Variants in CLEC1A observed in about 807,000 individuals in gnomAD.
CLEC1A encodes the protein C-type lectin domain family 1 member A.
CLEC1A carries 34 observed loss-of-function variants against 28.7 expected under a neutral mutation model. The ratio of observed to expected loss-of-function variants is 1.18; its 90% CI spans 0.90 to 1.57. The LOEUF is 1.57. Among genes scored for constraint, CLEC1A ranks in the 40% most tolerant of loss-of-function variants. CLEC1A has a pLI of 0.00. For missense variants in CLEC1A, 385 were observed against 339.5 expected, an observed-to-expected ratio of 1.13 and a Z score of -1.05; for synonymous variants, 116 against 121.0, an observed-to-expected ratio of 0.96 and a Z score of 0.27.
chr12:10,087,571 G>A (rs2137359850), intron 2 of CLEC1A, among the ~76,000 whole-genome samples: 1 of 141,026 alleles, frequency 7.1e-6, no homozygotes, highest in East Asian at 2.1e-4. Context: ...AGGCTGGAGT[G>A]CAGTGCAGTG....
At chr12:10,092,647 C>G (rs1947722450) in intron 1 of CLEC1A, 2 of 156,356 alleles carry the variant, frequency 1.3e-5, no homozygotes, top group African/African-American at 4.8e-5. Context: ...TGTTTTCTGC[C>G]CAAAGGACCA....
chr12:10,075,010 G>A (rs1228645971), intron 4 of CLEC1A, among the ~76,000 whole-genome samples: 1 of 152,156 alleles, frequency 6.6e-6, no homozygotes, highest in East Asian at 1.9e-4. Flanking sequence ...CTCAATATAT[G>A]TCAATTTGTA....
intron 2 of CLEC1A, among the ~76,000 whole-genome samples, chr12:10,087,395 AG>A (rs1324025865): frequency 6.8e-6 from 1 of 147,906 alleles, no homozygotes; most frequent in African/African-American, 2.5e-5. Context: ...ATGCAGAAAA[AG>A]CATTTGACAA....
chr12:10,091,325 T>G (rs1230121213), intron 1 of CLEC1A, among the ~76,000 whole-genome samples: 1 of 152,138 alleles, frequency 6.6e-6, no homozygotes, highest in African/African-American at 2.4e-5. Flanking sequence ...AATAAAAAAT[T>G]AATATGACTT....
intron 1 of CLEC1A, chr12:10,092,420 A>T (rs1244507522): frequency 1.0e-5 from 4 of 387,244 alleles, no homozygotes. Flanking sequence ...GGTGGCACAC[A>T]CCTGTAGTCG....
rs566382513 is a variant in CLEC1A at position 10,097,763 on chromosome 12, C to G, written c.115+1045G>C. 2.6e-5 allele frequency among the ~76,000 whole-genome samples: 4 copies of G among 152,190 alleles called. No homozygotes were observed. The East Asian group carries it at 5.8e-4, about 22-fold the overall frequency. ...AAAACCACAGCCGTAAAAATGGACT[C>G]TTCGTAAGTTTTTTTGGAGGAAAAC... is the stretch of plus-strand genomic sequence containing the variant. On this transcript the variant is annotated intron_variant, in intron 1 of 5. Coordinates refer to ENST00000315330, the MANE Select transcript of CLEC1A (RefSeq NM_016511.4).
chr12:10,095,604 C>A (rs1022532146), intron 1 of CLEC1A, among the ~76,000 whole-genome samples: 3 of 152,164 alleles, frequency 2.0e-5, no homozygotes, highest in Admixed American at 1.3e-4. Context: ...ATGTAACCAT[C>A]AGTTCCTTTT....
chr12:10,096,790 C>G (rs1947782869), intron 1 of CLEC1A, among the ~76,000 whole-genome samples: 1 of 152,086 alleles, frequency 6.6e-6, no homozygotes, highest in South Asian at 2.1e-4. Context: ...CCCAGCCTCT[C>G]AAACACCCTC....
Position 10,073,277 on chromosome 12 carries a change from T to C in CLEC1A, c.662+16A>G. The C allele has an allele frequency of 6.4e-7, 1 of 1,567,542 alleles. No individual in the cohort carries two copies. Among genetic ancestry groups the C allele is most frequent in the Non-Finnish European group, 8.8e-7 (1 of 1,141,066 alleles). Reference sequence around the variant, plus strand: ...TTTGTTAAATGCCTTTCCCATAAAATATCCTGAAGGCTTACAGTTCAGAAG... The same window carrying C: ...TTTGTTAAATGCCTTTCCCATAAAACATCCTGAAGGCTTACAGTTCAGAAG... On this transcript the variant is annotated intron_variant, in intron 5 of 5. Transcript: ENST00000315330.
chr12:10,078,813 C>A (rs1365687684), intron 3 of CLEC1A, among the ~76,000 whole-genome samples: 1 of 152,086 alleles, frequency 6.6e-6, no homozygotes, highest in Non-Finnish European at 1.5e-5. Flanking sequence ...GGAAGCAGAT[C>A]CCTTATGAAC....
At chr12:10,072,887 T>C (rs1866163874) in intron 5 of CLEC1A, among the ~76,000 whole-genome samples, 1 of 152,106 alleles carries the variant, frequency 6.6e-6, no homozygotes, top group Admixed American at 6.6e-5. Flanking sequence ...TAAACAAGAC[T>C]GGGCAACACA....
chr12:10,088,447 AAAAGAACTGTTCAAAGAACAGT>A (rs1866547103), intron 2 of CLEC1A, among the ~76,000 whole-genome samples: 1 of 12,690 alleles, frequency 7.9e-5, no homozygotes, highest in Non-Finnish European at 2.2e-4. Context: ...AAGAACAGTT[AAAAGAACTGTTCAAAGAACAGT>A]TAAAAGAACT....
chr12:10,075,008 A>G (rs939383569), intron 4 of CLEC1A, among the ~76,000 whole-genome samples: 4 of 152,244 alleles, frequency 2.6e-5, no homozygotes, highest in Admixed American at 2.0e-4. Flanking sequence ...AACTCAATAT[A>G]TGTCAATTTG....
intron 4 of CLEC1A, among the ~76,000 whole-genome samples, chr12:10,074,346 T>C (rs1319469508): frequency 6.6e-6 from 1 of 152,158 alleles, no homozygotes; most frequent in African/African-American, 2.4e-5. Flanking sequence ...CAAGCAATAG[T>C]CGTAGAGTGA....
At chr12:10,075,982 A>T (rs1482123049) in intron 3 of CLEC1A, among the ~76,000 whole-genome samples, 1 of 152,238 alleles carries the variant, frequency 6.6e-6, no homozygotes, top group African/African-American at 2.4e-5. Flanking sequence ...TCTCAAATGT[A>T]CAGAAACTCC....
At chr12:10,093,600 A>G (rs1947737342) in intron 1 of CLEC1A, among the ~76,000 whole-genome samples, 1 of 152,060 alleles carries the variant, frequency 6.6e-6, no homozygotes, top group African/African-American at 2.4e-5. Context: ...GTCTATTAGT[A>G]TACCTATGAA....
intron 4 of CLEC1A, among the ~76,000 whole-genome samples, chr12:10,073,630 C>T (rs901080451): frequency 1.4e-4 from 22 of 152,156 alleles, no homozygotes; most frequent in Non-Finnish European, 2.1e-4. Context: ...GAACACATGT[C>T]GATATTCTGA....
chr12:10,087,312 A>C (rs949058646), intron 2 of CLEC1A, among the ~76,000 whole-genome samples: 1 of 150,864 alleles, frequency 6.6e-6, no homozygotes, highest in South Asian at 2.1e-4. Flanking sequence ...ATGGTTTAAC[A>C]TACACAAGTC....
chr12:10,070,060 G>C lies in CLEC1A; in HGVS notation c.*1273C>G, dbSNP rs1866093409. 6.6e-6 allele frequency: 1 copy of C among 152,184 alleles called. No individual in the cohort carries two copies. The highest frequency in any genetic ancestry group is 2.4e-5 in the African/African-American group (1 of 41,438). 9.4% of individuals were successfully genotyped at this position (152,184 alleles called of 1,614,324 possible). A position where few individuals can be genotyped will look rare whatever the true frequency, so the allele number is the denominator to read the frequency against. On this transcript the variant is annotated 3_prime_UTR_variant, in exon 6 of 6. Coordinates refer to ENST00000315330, the MANE Select transcript of CLEC1A (RefSeq NM_016511.4). ...TATCAGTAAACCAATAAACTTGGTG[G>C]CTGTGATGGTGTCATTCCCAATGAT...
Sources: allele counts gnomAD v4.1 joint callset (sites outside exome capture counted in the v4.1 genomes callset), GRCh38; gene constraint gnomAD v4.1.1; transcripts MANE v1.5; gene names NCBI Gene and HGNC (gene_info 2026-07-23, HGNC 2026-07-21).